Variants in AIG1 observed in about 807,000 individuals in gnomAD.
AIG1 encodes the protein androgen-induced gene 1 protein.
In AIG1, 23 loss-of-function variants were observed where a neutral mutation model predicts 31.4. That is an observed-to-expected ratio of 0.73 (90% CI 0.53 to 1.04). AIG1 has a LOEUF of 1.04. Ranked by LOEUF, AIG1 falls within the 50% of genes least tolerant of loss-of-function variation. The pLI is 0.00. For synonymous variants in AIG1, 100 were observed against 110.5 expected (o/e 0.90, Z 0.60); for missense variants, 274 against 295.0 (o/e 0.93, Z 0.52).
At chr6:143,107,080 G>C (rs568055876) in intron 1 of AIG1, among the ~76,000 whole-genome samples, 3 of 152,000 alleles carry the variant, frequency 2.0e-5, no homozygotes, top group Non-Finnish European at 4.4e-5. Flanking sequence ...TCAGTTCTTC[G>C]TCTCCCTAAG....
intron 3 of AIG1, chr6:143,189,462 A>G (rs893087433): frequency 2.3e-5 from 23 of 982,762 alleles, no homozygotes; most frequent in African/African-American, 8.7e-5. Flanking sequence ...GTAATTTATT[A>G]TATATTGAAA....
At chr6:143,199,997 A>G (rs1032301948) in intron 3 of AIG1, among the ~76,000 whole-genome samples, 2 of 152,192 alleles carry the variant, frequency 1.3e-5, no homozygotes, top group Non-Finnish European at 2.9e-5. Flanking sequence ...AACATGTGAT[A>G]GTTTCCTGGT....
At chr6:143,061,250 C>A in intron 1 of AIG1, 184 bp downstream of exon 1, 1 of 775,490 alleles carries the variant, frequency 1.3e-6, no homozygotes, top group Non-Finnish European at 2.2e-6. Context: ...CCCGCAGCGG[C>A]ACCTTCTGAA....
chr6:143,207,688 T>C (rs1046224761), intron 3 of AIG1, among the ~76,000 whole-genome samples: 2 of 152,076 alleles, frequency 1.3e-5, no homozygotes, highest in Non-Finnish European at 2.9e-5. Context: ...AGAAGGTGAG[T>C]TCTTCCCTGA....
intron 4 of AIG1, among the ~76,000 whole-genome samples, chr6:143,295,481 C>T (rs1451524308): frequency 6.6e-6 from 1 of 152,156 alleles, no homozygotes; most frequent in Non-Finnish European, 1.5e-5. Context: ...CATATTCCTC[C>T]TTCCCTTTTG....
intron 3 of AIG1, among the ~76,000 whole-genome samples, chr6:143,234,591 A>G (rs1793678244): frequency 6.6e-6 from 1 of 152,234 alleles, no homozygotes; most frequent in Non-Finnish European, 1.5e-5. Context: ...TATTGGAGAA[A>G]TAAGTAGGAA....
At chr6:143,321,419 C>T (rs1019921605) in intron 4 of AIG1, among the ~76,000 whole-genome samples, 3 of 151,436 alleles carry the variant, frequency 2.0e-5, no homozygotes, top group Non-Finnish European at 4.4e-5. Context: ...GCCAACATGG[C>T]GAAACCCCAT....
intron 2 of AIG1, among the ~76,000 whole-genome samples, chr6:143,162,095 A>G (rs1786437363): frequency 6.6e-6 from 1 of 152,256 alleles, no homozygotes; most frequent in African/African-American, 2.4e-5. Context: ...TATAAGCTAC[A>G]TTGTCAATAT....
Position 143,331,014 on chromosome 6 carries a change from A to G in AIG1, c.516-2268A>G, listed in dbSNP as rs1777030337. On this transcript the variant is annotated intron_variant, in intron 4 of 5. Coordinates refer to ENST00000357847, the MANE Select transcript of AIG1 (RefSeq NM_016108.4). The surrounding 1 kb of genome is among the most constrained non-coding windows in gnomAD (Gnocchi z 4.1). ...CTAACATGGCCTCTTTTTTTGATAC[A>G]AATATTTTTGTTTGGACAGTGATTG... is the stretch of plus-strand genomic sequence containing the variant. Among the ~76,000 whole-genome samples, 1 of 152,068 alleles carries G rather than the reference A, an allele frequency of 6.6e-6. No homozygotes were observed. Among genetic ancestry groups the G allele is most frequent in the South Asian group, 2.1e-4 (1 of 4,816 alleles).
rs1209212853 is a variant in AIG1 at position 143,333,410 on chromosome 6, A to G, written c.644A>G (p.Glu215Gly). The G allele has an allele frequency of 6.2e-7, 1 of 1,613,570 alleles. No individual in the cohort carries two copies. The highest frequency in any genetic ancestry group is 1.7e-5 in the Admixed American group (1 of 59,872). Residue 215 changes from glutamate to glycine, a missense_variant, in exon 5 of 6, where the codon GAA becomes GGA. Physicochemically the swap from Glu to Gly is moderately conservative, Grantham distance 98. Coordinates refer to ENST00000357847, the MANE Select transcript of AIG1 (RefSeq NM_016108.4). This position sits in a 1 kb window ranked among gnomAD's most constrained non-coding sequence, Gnocchi z 4.6. ...ILMNFLYLLG[E>G]VLNNYIWDTQ... ...ATGAACTTCCTGTACCTGCTGGGAG[A>G]AGTTCTGAACAACTATATCTGGGAT...
chr6:143,189,088 C>T, intron 3 of AIG1: 1 of 866,518 alleles, frequency 1.2e-6, no homozygotes, highest in Non-Finnish European at 1.4e-6. Context: ...GTCATCCAGG[C>T]TGGAATACAC....
rs1788660435 is a variant in AIG1, at chr6:143,180,907, T to C, written c.399+15724T>C. Among the ~76,000 whole-genome samples the C allele has an allele frequency of 1.3e-5, 2 of 152,264 alleles. 1 individual carries two copies. Among genetic ancestry groups the C allele is most frequent in the South Asian group, 4.1e-4 (2 of 4,834 alleles). On this transcript the variant is annotated intron_variant, in intron 3 of 5. Transcript: ENST00000357847. ...TTCTCTTCAATATTATTTTGACATTTGGTAATTACTACAGATTTTGTGCAT... is the reference window on the plus strand; with the variant it reads ...TTCTCTTCAATATTATTTTGACATTCGGTAATTACTACAGATTTTGTGCAT...
chr6:143,098,436 C>CG (rs1445174984), intron 1 of AIG1, among the ~76,000 whole-genome samples: 5 of 152,318 alleles, frequency 3.3e-5, no homozygotes, highest in African/African-American at 9.6e-5. Context: ...GCCTCCCTTA[C>CG]TGGTTCCTCT....
intron 3 of AIG1, among the ~76,000 whole-genome samples, chr6:143,251,986 C>A (rs1007490106): frequency 6.6e-6 from 1 of 152,190 alleles, no homozygotes; most frequent in African/African-American, 2.4e-5. Context: ...AATTTTCATG[C>A]CGCTTTGTCC....
At chr6:143,318,828 A>G (rs1052435286) in intron 4 of AIG1, among the ~76,000 whole-genome samples, 1 of 152,192 alleles carries the variant, frequency 6.6e-6, no homozygotes, top group Non-Finnish European at 1.5e-5. Flanking sequence ...ACATAAATAG[A>G]CAATGTTCAA....
In AIG1 at chr6:143,325,731, A is replaced by C. The variant is rs1409362838; in HGVS notation, c.516-7551A>C. On this transcript the variant is annotated intron_variant, in intron 4 of 5. Transcript: ENST00000357847. The surrounding 1 kb of genome is among the most constrained non-coding windows in gnomAD (Gnocchi z 4.3). ...GGTATACACACATAACTGAAATAGA[A>C]GTTTCACAAAATAATTCTTATCATC... Among the ~76,000 whole-genome samples, 3 of 152,232 alleles carry C rather than the reference A, an allele frequency of 2.0e-5. No individual in the cohort carries two copies. The highest frequency in any genetic ancestry group is 1.5e-5 in the Non-Finnish European group (1 of 68,038).
At chr6:143,187,823 C>G (rs547022118) in intron 3 of AIG1, 14 of 1,472,410 alleles carry the variant, frequency 9.5e-6, no homozygotes, top group Non-Finnish European at 1.8e-6. Context: ...GAAATACGGG[C>G]CTTCAAGAAG....
chr6:143,140,638 G>C (rs772924955), intron 2 of AIG1, among the ~76,000 whole-genome samples: 3 of 152,194 alleles, frequency 2.0e-5, no homozygotes, highest in Non-Finnish European at 4.4e-5. Flanking sequence ...GCCTGGAATG[G>C]AAGTGCCAAC....
chr6:143,313,985 T>C (rs1244033286), intron 4 of AIG1, among the ~76,000 whole-genome samples: 1 of 151,884 alleles, frequency 6.6e-6, no homozygotes, highest in African/African-American at 2.4e-5. Context: ...TTCGGCATCA[T>C]ATAGGAAATC....
Sources: allele counts gnomAD v4.1 joint callset (sites outside exome capture counted in the v4.1 genomes callset), GRCh38; gene constraint gnomAD v4.1.1; non-coding constraint Gnocchi (gnomAD v3.1); transcripts MANE v1.5; gene names NCBI Gene and HGNC (gene_info 2026-07-23, HGNC 2026-07-21).